PRR5: variants seen among roughly 807,000 people sequenced by gnomAD.
PRR5 encodes the protein proline-rich protein 5.
A neutral mutation model predicts 30.6 loss-of-function variants in PRR5; 25 were observed. The ratio of observed to expected loss-of-function variants is 0.82; its 90% CI spans 0.60 to 1.14. PRR5 has a LOEUF of 1.14. Ranked by LOEUF, PRR5 falls within the 50% of genes most tolerant of loss-of-function variation. The probability of loss-of-function intolerance (pLI) is 0.00; values close to 1 mark genes in which losing one functional copy is unlikely to be tolerated. For synonymous variants in PRR5, 286 were observed against 247.1 expected (o/e 1.16, Z -1.48); for missense variants, 600 against 547.1 (o/e 1.10, Z -0.96).
intron 6 of PRR5, 159 bp from the exon 7 acceptor site, chr22:44,734,868 A>G (rs1602104246): frequency 2.0e-6 from 2 of 986,134 alleles, no homozygotes; most frequent in South Asian, 3.2e-5. Flanking sequence ...AGGGGCTGGG[A>G]GGCCACCGTG....
rs1373250938 is a variant in PRR5 at position 44,737,028 on chromosome 22, G to T, written c.948G>T (p.Gly316=). ...GGTCCTCCCCGGCGCCCCACTCAGG[G>T]CCCTGCCCCAGCAGACTGTACCCCA... ...TFRSSPAPHS[G]PCPSRLYPTT... Residue 316 remains glycine, a synonymous_variant, in exon 8 of 8, where the codon GGG becomes GGT. Coordinates refer to ENST00000336985, the MANE Select transcript of PRR5 (RefSeq NM_181333.4). 3 of 1,602,150 alleles carry T rather than the reference G, an allele frequency of 1.9e-6. No homozygotes were observed. Among genetic ancestry groups the T allele is most frequent in the Admixed American group, 1.7e-5 (1 of 59,814 alleles).
intron 1 of PRR5, among the ~76,000 whole-genome samples, chr22:44,690,781 G>A (rs1925170565): frequency 6.6e-6 from 1 of 152,174 alleles, no homozygotes; most frequent in Non-Finnish European, 1.5e-5. Flanking sequence ...CCCAGGCAGA[G>A]GGCAGAGCCT....
chr22:44,732,044 G>A (rs149445150), intron 5 of PRR5, among the ~76,000 whole-genome samples: 11 of 152,350 alleles, frequency 7.2e-5, no homozygotes, highest in Admixed American at 2.0e-4. Context: ...GAGGCACAGC[G>A]TAGGGGCTCT....
chr22:44,709,492 T>G lies in PRR5; in HGVS notation c.135-5099T>G, dbSNP rs989955794. Among the ~76,000 whole-genome samples the G allele has an allele frequency of 2.8e-4, 42 of 151,570 alleles. 1 individual carries two copies. The South Asian group carries it at 8.6e-3, about 31-fold the overall frequency. On this transcript the variant is annotated intron_variant, in intron 1 of 7. Transcript: ENST00000336985. ...TGGAAAAGGCGGGGACAGGTATTTC[T>G]CCCCCCGCCCGAGCCTCCAGAAGGA...
At chr22:44,682,860 G>T (rs1924419656) in intron 1 of PRR5, among the ~76,000 whole-genome samples, 1 of 152,212 alleles carries the variant, frequency 6.6e-6, no homozygotes, top group Admixed American at 6.5e-5. Context: ...GCCCACTGTA[G>T]CGGGAGGTCT....
At chr22:44,731,912 GAC>G (rs1922057242) in intron 5 of PRR5, 91 bp downstream of exon 5, 10 of 1,320,190 alleles carry the variant, frequency 7.6e-6, no homozygotes, top group South Asian at 2.6e-5. Flanking sequence ...CAGGCTTGGG[GAC>G]ACACACACCT....
chr22:44,684,998 G>A (rs1924620188), intron 1 of PRR5, among the ~76,000 whole-genome samples: 1 of 152,184 alleles, frequency 6.6e-6, no homozygotes, highest in Non-Finnish European at 1.5e-5. Flanking sequence ...GGCCGCTGGG[G>A]TTACTGACCG....
chr22:44,710,879 G>A lies in PRR5; in HGVS notation c.135-3712G>A, dbSNP rs539866137. Among the ~76,000 whole-genome samples, 12 of 151,972 alleles carry A rather than the reference G, an allele frequency of 7.9e-5. No individual in the cohort carries two copies. The East Asian group carries it at 1.6e-3, about 20-fold the overall frequency. On this transcript the variant is annotated intron_variant, in intron 1 of 7. Coordinates refer to ENST00000336985, the MANE Select transcript of PRR5 (RefSeq NM_181333.4). ...TCCCTGTAGCTTCACAGAAAAGGCC[G>A]CAGGGCAGGGCAGGGCAGGGCAGGG...
At chr22:44,703,028 G>T (rs565932097) in intron 1 of PRR5, among the ~76,000 whole-genome samples, 1 of 152,334 alleles carries the variant, frequency 6.6e-6, no homozygotes, top group Admixed American at 6.5e-5. Context: ...GGTGGGTCGC[G>T]CAGGCTTCCT....
At chr22:44,679,782 G>A (rs775884983) in intron 1 of PRR5, 13 of 1,584,272 alleles carry the variant, frequency 8.2e-6, no homozygotes, top group Non-Finnish European at 1.0e-5. Flanking sequence ...GGGCAGGCTG[G>A]TCAGAAGACA....
In PRR5 at chr22:44,737,127, G is replaced by C; in HGVS notation, c.1047G>C (p.Val349=). ...CCCGCTCCAGCCCGGAGAACCTGGT[G>C]GACCAGATCCTGGAGTCCGTGGACT... ...SLPRSSPENL[V]DQILESVDSD... is the part of the protein sequence containing the mutation. Residue 349 remains valine (V), a synonymous_variant, in exon 8 of 8, where the codon GTG becomes GTC. Transcript: ENST00000336985. The C allele has an allele frequency of 6.2e-7, 1 of 1,612,536 alleles. No homozygotes were observed. Among genetic ancestry groups the C allele is most frequent in the African/African-American group, 1.3e-5 (1 of 75,078 alleles).
At chr22:44,704,994 CG>C (rs1482716337) in intron 1 of PRR5, among the ~76,000 whole-genome samples, 1 of 152,124 alleles carries the variant, frequency 6.6e-6, no homozygotes, top group Non-Finnish European at 1.5e-5. Flanking sequence ...TGTGCAGGGT[CG>C]GGGACAGGCG....
intron 1 of PRR5, among the ~76,000 whole-genome samples, chr22:44,687,170 T>C (rs756126926): frequency 2.6e-5 from 4 of 152,364 alleles, no homozygotes; most frequent in Admixed American, 6.5e-5. Flanking sequence ...TATAGAACAC[T>C]TGTACATACT....
upstream of PRR5, among the ~76,000 whole-genome samples, chr22:44,700,417 G>T (rs1569078212): frequency 6.6e-6 from 1 of 152,156 alleles, no homozygotes; most frequent in South Asian, 2.1e-4. Flanking sequence ...AGTGAGCCAT[G>T]ATTGCGCCAT....
intron 1 of PRR5, among the ~76,000 whole-genome samples, chr22:44,708,721 C>G (rs545004339): frequency 6.6e-6 from 1 of 152,262 alleles, no homozygotes; most frequent in East Asian, 1.9e-4. Context: ...AATCCCAGCA[C>G]TTTGGGAGGC....
At chr22:44,673,817 C>T (rs1168970038), upstream of PRR5, among the ~76,000 whole-genome samples, 4 of 152,154 alleles carry the variant, frequency 2.6e-5, no homozygotes, top group African/African-American at 9.7e-5. Flanking sequence ...CTACCTATGG[C>T]TGGGAGAGGG....
At chr22:44,710,119 C>T (rs1008713268) in intron 1 of PRR5, among the ~76,000 whole-genome samples, 9 of 152,112 alleles carry the variant, frequency 5.9e-5, no homozygotes, top group Non-Finnish European at 8.8e-5. Flanking sequence ...GCCATGGGTG[C>T]GGCACTGTCC....
At chr22:44,722,085 C>T (rs1414789159) in intron 2 of PRR5, among the ~76,000 whole-genome samples, 2 of 152,160 alleles carry the variant, frequency 1.3e-5, no homozygotes, top group Non-Finnish European at 1.5e-5. Context: ...GGGGCTGCCT[C>T]GGGGCACCAT....
At chr22:44,735,956 C>G (rs1923159284) in intron 7 of PRR5, among the ~76,000 whole-genome samples, 1 of 152,208 alleles carries the variant, frequency 6.6e-6, no homozygotes, top group Non-Finnish European at 1.5e-5. Flanking sequence ...GACCCCAGCC[C>G]CTGCCTGATG....
Sources: gnomAD v4.1 joint callset for allele counts (sites outside exome capture counted in the v4.1 genomes callset) on GRCh38, gnomAD v4.1.1 for gene constraint, MANE v1.5 for transcripts, NCBI Gene and HGNC (gene_info 2026-07-23, HGNC 2026-07-21) for gene names.